The following OSBP2 variants were observed in gnomAD, a reference collection of about 807,000 sequenced individuals.
The protein encoded by OSBP2 is oxysterol binding protein 2.
Under a neutral mutation model 96.0 loss-of-function variants are expected in OSBP2, and 66 were observed. That is an observed-to-expected ratio of 0.69 (90% CI 0.56 to 0.84). The LOEUF is 0.84. Among genes scored for constraint, OSBP2 ranks in the 40% least tolerant of loss-of-function variants. OSBP2 has a pLI of 0.00. For missense variants in OSBP2, 1,038 were observed against 1,222.7 expected, an observed-to-expected ratio of 0.85 and a Z score of 2.25; for synonymous variants, 525 against 520.9, an observed-to-expected ratio of 1.01 and a Z score of -0.11.
intron 3 of OSBP2, among the ~76,000 whole-genome samples, chr22:30,878,872 G>T (rs1205968560): frequency 6.6e-6 from 1 of 152,074 alleles, no homozygotes. Context: ...CGGCTCGGGG[G>T]ACACTCCACT....
chr22:30,818,178 A>G (rs2091103500), intron 2 of OSBP2, among the ~76,000 whole-genome samples: 2 of 152,344 alleles, frequency 1.3e-5, no homozygotes, highest in Admixed American at 1.3e-4. Context: ...GATTACAGAC[A>G]TGAGCTACCG....
intron 2 of OSBP2, among the ~76,000 whole-genome samples, chr22:30,862,895 C>T (rs2039248430): frequency 6.6e-6 from 1 of 151,736 alleles, no homozygotes. Context: ...ATTGCTTGAA[C>T]CTGGTAGGCG....
rs148823575 is a variant in OSBP2, at chr22:30,741,672, A to C, written c.853+303A>C. 5.6e-3 allele frequency among the ~76,000 whole-genome samples: 851 copies of C among 152,252 alleles called. 7 individuals are homozygous for C. The highest frequency in any genetic ancestry group is 0.019 in the African/African-American group (803 of 41,540). On this transcript the variant is annotated intron_variant, in intron 2 of 13. Transcript: ENST00000332585. ...GATGCTGCAGTGGGTTAGGTCCAGA[A>C]GCAGCAGTCAGTCTGTGCCTCAAGC...
At chr22:30,820,763 C>T (rs1466329852) in intron 2 of OSBP2, among the ~76,000 whole-genome samples, 3 of 152,192 alleles carry the variant, frequency 2.0e-5, no homozygotes, top group Non-Finnish European at 4.4e-5. Context: ...CACTGTGGTG[C>T]TCTTCATTTT....
intron 2 of OSBP2, among the ~76,000 whole-genome samples, chr22:30,764,947 C>T (rs136336): frequency 0.058 from 8,789 of 152,214 alleles, 270 homozygotes; most frequent in Middle Eastern, 0.092. Context: ...TGAAGTCTTC[C>T]TGGGGGAGCA....
At chr22:30,834,491 G>C (rs1453603368) in intron 2 of OSBP2, among the ~76,000 whole-genome samples, 2 of 152,152 alleles carry the variant, frequency 1.3e-5, no homozygotes, top group African/African-American at 2.4e-5. Context: ...CTAAATCCTT[G>C]CTCTAACACA....
intron 1 of OSBP2, among the ~76,000 whole-genome samples, chr22:30,729,793 C>T (rs2089716068): frequency 1.3e-5 from 2 of 151,998 alleles, no homozygotes; most frequent in South Asian, 4.1e-4. Context: ...ATCACAAGGT[C>T]AGGAGTTTGA....
intron 8 of OSBP2, 111 bp downstream of exon 8, chr22:30,891,084 C>A: frequency 2.2e-6 from 3 of 1,356,804 alleles, no homozygotes; most frequent in Non-Finnish European, 3.0e-6. Flanking sequence ...CCCTGACTGC[C>A]CATACCCAAG....
At chr22:30,897,146 G>A (rs567610384) in intron 12 of OSBP2, among the ~76,000 whole-genome samples, 2 of 152,240 alleles carry the variant, frequency 1.3e-5, no homozygotes, top group East Asian at 3.9e-4. Flanking sequence ...AATAATAAAA[G>A]GTTGAGTTAA....
At chr22:30,694,105 G>A, upstream of OSBP2, 1 of 1,547,082 alleles carries the variant, frequency 6.5e-7, no homozygotes, top group Non-Finnish European at 8.7e-7. Context: ...CAGACTGCCA[G>A]CCTACCCAGG....
At chr22:30,781,377 C>T (rs138270373) in intron 2 of OSBP2, among the ~76,000 whole-genome samples, 35 of 152,262 alleles carry the variant, frequency 2.3e-4, no homozygotes, top group African/African-American at 8.4e-4. Context: ...CCCCACCTTC[C>T]TCTCTTTCCA....
At position 30,777,181 on chromosome 22, in the gene OSBP2, C is replaced by G. The variant is rs183505009; in HGVS notation, c.853+35812C>G. On this transcript the variant is annotated intron_variant, in intron 2 of 13. Coordinates refer to ENST00000332585, the MANE Select transcript of OSBP2 (RefSeq NM_030758.4). ...ACTTTGGGGGACTGTTGGGAAGGCT[C>G]GATTGGTTTTGAAATGTGAGGACAT... 1.3e-4 allele frequency among the ~76,000 whole-genome samples: 20 copies of G among 151,968 alleles called. No individual in the cohort carries two copies. The East Asian group carries it at 2.1e-3, about 16-fold the overall frequency.
At chr22:30,878,066 A>G (rs982295360) in intron 3 of OSBP2, among the ~76,000 whole-genome samples, 1 of 152,220 alleles carries the variant, frequency 6.6e-6, no homozygotes, top group Non-Finnish European at 1.5e-5. Context: ...GCAGGGGCAC[A>G]GGTGCCAGGC....
intron 2 of OSBP2, among the ~76,000 whole-genome samples, chr22:30,752,460 A>G (rs1456603554): frequency 1.3e-5 from 2 of 151,394 alleles, no homozygotes; most frequent in South Asian, 2.1e-4. Context: ...CACCACGCCC[A>G]GCTAATTTTT....
At chr22:30,888,557 GTC>G (rs1252303709) in intron 5 of OSBP2, among the ~76,000 whole-genome samples, 13 of 152,122 alleles carry the variant, frequency 8.5e-5, no homozygotes, top group Non-Finnish European at 1.9e-4. Context: ...GCGAAACCCT[GTC>G]TCTACAAAAA....
At chr22:30,712,391 G>A (rs920433389) in intron 1 of OSBP2, among the ~76,000 whole-genome samples, 1 of 152,156 alleles carries the variant, frequency 6.6e-6, no homozygotes, top group African/African-American at 2.4e-5. Context: ...TGGGAGGAGA[G>A]TGCCAGATGT....
intron 3 of OSBP2, among the ~76,000 whole-genome samples, chr22:30,886,017 CCTT>C (rs2039801927): frequency 6.6e-6 from 1 of 152,218 alleles, no homozygotes; most frequent in African/African-American, 2.4e-5. Context: ...GCCCCCAGGG[CCTT>C]CTTCACTGCA....
At chr22:30,884,300 C>G (rs1013902886) in intron 3 of OSBP2, among the ~76,000 whole-genome samples, 2 of 152,196 alleles carry the variant, frequency 1.3e-5, no homozygotes, top group African/African-American at 4.8e-5. Context: ...CTCCTCCCAC[C>G]TGGAGAATTT....
At chr22:30,719,612 G>A (rs1224621169) in intron 1 of OSBP2, among the ~76,000 whole-genome samples, 1 of 151,798 alleles carries the variant, frequency 6.6e-6, no homozygotes, top group Non-Finnish European at 1.5e-5. Context: ...AAATAAGCCG[G>A]GAGTGGTGGC....
Sources: gnomAD v4.1 joint callset for allele counts (sites outside exome capture counted in the v4.1 genomes callset) on GRCh38, gnomAD v4.1.1 for gene constraint, MANE v1.5 for transcripts, NCBI Gene and HGNC (gene_info 2026-07-23, HGNC 2026-07-21) for gene names.